Variants in PREX1 observed in about 807,000 individuals in gnomAD.
PREX1 encodes phosphatidylinositol-3,4,5-trisphosphate dependent Rac exchange factor 1, also known as phosphatidylinositol 3,4,5-trisphosphate-dependent Rac exchanger 1 protein.
A neutral mutation model predicts 198.3 loss-of-function variants in PREX1; 41 were observed. The ratio of observed to expected loss-of-function variants is 0.21; its 90% CI spans 0.16 to 0.27. The LOEUF (loss-of-function observed/expected upper bound fraction) is 0.27, where lower values mean the gene tolerates loss of function less well. Ranked by LOEUF, PREX1 falls within the 10% of genes least tolerant of loss-of-function variation. PREX1 has a pLI of 1.00. For synonymous variants in PREX1, 843 were observed against 887.2 expected, an observed-to-expected ratio of 0.95 and a Z score of 0.89; for missense variants, 1,620 against 2,200.7, an observed-to-expected ratio of 0.74 and a Z score of 5.28.
intron 1 of PREX1, among the ~76,000 whole-genome samples, chr20:48,820,986 G>A (rs2090481919): frequency 6.6e-6 from 1 of 152,080 alleles, no homozygotes; most frequent in African/African-American, 2.4e-5. Flanking sequence ...GAACACTTGA[G>A]GTCAGGAGTT....
intron 1 of PREX1, among the ~76,000 whole-genome samples, chr20:48,760,821 T>C (rs370202548): frequency 6.6e-6 from 1 of 152,256 alleles, no homozygotes; most frequent in Non-Finnish European, 1.5e-5. Context: ...GAAGGACTTA[T>C]GCATTCTTAC....
chr20:48,769,843 T>G (rs554022977), intron 1 of PREX1, among the ~76,000 whole-genome samples: 2 of 152,210 alleles, frequency 1.3e-5, no homozygotes, highest in African/African-American at 4.8e-5. Flanking sequence ...TCCATAGCAC[T>G]TACCACCTGA....
the PREX1 span, among the ~76,000 whole-genome samples, chr20:48,860,488 G>C: frequency 6.6e-6 from 1 of 152,186 alleles, no homozygotes; most frequent in African/African-American, 2.4e-5. Flanking sequence ...TAACGCGTCT[G>C]AACTGTACAT....
intron 23 of PREX1, 65 bp from the exon 24 acceptor site, chr20:48,650,271 C>G: frequency 6.8e-7 from 1 of 1,475,760 alleles, no homozygotes; most frequent in Non-Finnish European, 9.4e-7. Context: ...TGGCCCATAC[C>G]CAGTACCCAC....
At chr20:48,843,722 G>A in the PREX1 span, among the ~76,000 whole-genome samples, 4 of 152,130 alleles carry the variant, frequency 2.6e-5, no homozygotes, top group African/African-American at 2.4e-5. Flanking sequence ...CTAAGAATCC[G>A]GACAAGCAAT....
At chr20:48,784,868 ATACT>A (rs964207859) in intron 1 of PREX1, among the ~76,000 whole-genome samples, 14 of 151,990 alleles carry the variant, frequency 9.2e-5, no homozygotes, top group African/African-American at 3.4e-4. Flanking sequence ...ATTGAAGTAT[ATACT>A]TAAAATGGGT....
chr20:48,703,567 C>T lies in PREX1; in HGVS notation c.784-2681G>A, dbSNP rs140504428. On this transcript the variant is annotated intron_variant, in intron 6 of 39. Transcript: ENST00000371941. The stretch of plus-strand genomic sequence containing the variant: ...CAGTCCCTGGAGCCCACGTGCCTCC[C>T]CTTCCTTTTGCCTTGGCTCCCTTAT... Among the ~76,000 whole-genome samples the T allele has an allele frequency of 2.1e-3, 320 of 152,344 alleles. 1 individual carries two copies. Among genetic ancestry groups the T allele is most frequent in the Admixed American group, 4.0e-3 (61 of 15,306 alleles).
the PREX1 span, among the ~76,000 whole-genome samples, chr20:48,846,995 C>T: frequency 6.6e-6 from 1 of 152,086 alleles, no homozygotes; most frequent in South Asian, 2.1e-4. Flanking sequence ...GTGTTCCTAC[C>T]CTCCAGGGGC....
At position 48,650,117 on chromosome 20, in the gene PREX1, G is replaced by A; in HGVS notation, c.2907C>T (p.Pro969=). The part of the protein sequence containing the change: ...PHPLCGLDFC[P]TNCHINLMEV... ...CCATGAGGTTGATGTGGCAATTGGT[G>A]GGGCAGAAGTCCAGGCCACACAGCG... Residue 969 remains proline (P), a synonymous_variant, in exon 24 of 40, where the codon CCC becomes CCT. Coordinates refer to ENST00000371941, the MANE Select transcript of PREX1 (RefSeq NM_020820.4). 1 of 1,614,060 alleles carries A rather than the reference G, an allele frequency of 6.2e-7. No homozygotes were observed. Among genetic ancestry groups the A allele is most frequent in the South Asian group, 1.1e-5 (1 of 91,086 alleles).
the PREX1 span, chr20:48,849,486 G>C: frequency 6.6e-6 from 1 of 152,178 alleles, no homozygotes; most frequent in African/African-American, 2.4e-5. Context: ...CTCAGCTGGG[G>C]CAGGGAATTT....
intron 7 of PREX1, among the ~76,000 whole-genome samples, chr20:48,694,420 T>C (rs924141779): frequency 6.6e-6 from 1 of 152,202 alleles, no homozygotes; most frequent in African/African-American, 2.4e-5. Context: ...GTACTGGGGT[T>C]GCACTGCTGA....
chr20:48,737,142 C>A (rs2090060068), intron 3 of PREX1, among the ~76,000 whole-genome samples: 1 of 141,404 alleles, frequency 7.1e-6, no homozygotes, highest in Admixed American at 7.5e-5. Context: ...TTATCACCAG[C>A]ATGATTATTT....
intron 1 of PREX1, among the ~76,000 whole-genome samples, chr20:48,755,912 A>G (rs1329194763): frequency 6.6e-6 from 1 of 152,132 alleles, no homozygotes; most frequent in Non-Finnish European, 1.5e-5. Context: ...ACATAAATGC[A>G]TGTTTTTATT....
At chr20:48,881,795 C>G in the PREX1 span, among the ~76,000 whole-genome samples, 4 of 152,118 alleles carry the variant, frequency 2.6e-5, no homozygotes, top group Non-Finnish European at 4.4e-5. Flanking sequence ...TACAATTCAT[C>G]TTTAAGTGTG....
chr20:48,820,922 G>A (rs549672624), intron 1 of PREX1, among the ~76,000 whole-genome samples: 3 of 152,318 alleles, frequency 2.0e-5, no homozygotes, highest in South Asian at 2.1e-4. Flanking sequence ...ACTTTTGGCC[G>A]GGCATGGTGG....
chr20:48,753,104 C>G (rs1341419305), intron 1 of PREX1, among the ~76,000 whole-genome samples: 2 of 152,142 alleles, frequency 1.3e-5, no homozygotes, highest in Non-Finnish European at 2.9e-5. Context: ...TACTCAGCTC[C>G]CAGCCTGAGT....
chr20:48,827,256 G>A lies in PREX1; in HGVS notation c.219+386C>T, dbSNP rs1196867262. ...GTATGTCCTAGATGAGTGGTGCACC[G>A]GGCGCGTAGTTATTCCTGGGAAAAA... On this transcript the variant is annotated intron_variant, in intron 1 of 39. Coordinates refer to ENST00000371941, the MANE Select transcript of PREX1 (RefSeq NM_020820.4). The surrounding 1 kb of genome is among the most constrained non-coding windows in gnomAD (Gnocchi z 4.1). Among the ~76,000 whole-genome samples the A allele has an allele frequency of 6.6e-6, 1 of 152,362 alleles. No individual in the cohort carries two copies. Among genetic ancestry groups the A allele is most frequent in the African/African-American group, 2.4e-5 (1 of 41,592 alleles).
intron 3 of PREX1, among the ~76,000 whole-genome samples, chr20:48,736,232 T>G (rs148179697): frequency 4.1e-3 from 621 of 152,198 alleles, no homozygotes; most frequent in Non-Finnish European, 7.3e-3. Flanking sequence ...TCGACAAACA[T>G]GGATCAATGG....
intron 8 of PREX1, 168 bp downstream of exon 8, chr20:48,692,504 T>C: frequency 1.8e-6 from 1 of 562,044 alleles, no homozygotes; most frequent in South Asian, 2.5e-5. Flanking sequence ...TTAACTTGAA[T>C]GCTAACCACC....
Sources: gnomAD v4.1 joint callset for allele counts (sites outside exome capture counted in the v4.1 genomes callset) on GRCh38, gnomAD v4.1.1 for gene constraint, Gnocchi (gnomAD v3.1) non-coding constraint, MANE v1.5 for transcripts, NCBI Gene and HGNC (gene_info 2026-07-23, HGNC 2026-07-21) for gene names.